BASP1: variants seen among roughly 807,000 people sequenced by gnomAD.
BASP1 encodes the protein brain acid soluble protein 1.
Under a neutral mutation model 2.2 loss-of-function variants are expected in BASP1, and 1 was observed. The observed-to-expected ratio is 0.46, with a 90% confidence interval of 0.16 to 2.17. The LOEUF is 2.17. Among genes scored for constraint, BASP1 ranks in the 30% most tolerant of loss-of-function variants. The pLI, the probability that BASP1 is intolerant of heterozygous loss-of-function variation, is 0.27. For synonymous variants in BASP1, 187 were observed against 154.2 expected, an observed-to-expected ratio of 1.21 and a Z score of -1.58; for missense variants, 352 against 327.2, an observed-to-expected ratio of 1.08 and a Z score of -0.58.
intron 1 of BASP1, among the ~76,000 whole-genome samples, chr5:17,237,539 A>G (rs1739773372): frequency 6.6e-6 from 1 of 152,050 alleles, no homozygotes; most frequent in Non-Finnish European, 1.5e-5. Flanking sequence ...TTGAGCTTGC[A>G]CACATTACAG....
Position 17,236,205 on chromosome 5 carries a change from C to T in BASP1, c.-10+18395C>T, listed in dbSNP as rs762332495. ...AAAGCAAAAATGATTTCTTATTACA[C>T]GTATTTAAACCAGTATTTACATTTG... On this transcript the variant is annotated intron_variant, in intron 1 of 1. Coordinates refer to ENST00000322611, the MANE Select transcript of BASP1 (RefSeq NM_006317.5). This position sits in a 1 kb window ranked among gnomAD's most constrained non-coding sequence, Gnocchi z 4.0. 2.6e-5 allele frequency among the ~76,000 whole-genome samples: 4 copies of T among 152,116 alleles called. No homozygotes were observed. Among genetic ancestry groups the T allele is most frequent in the African/African-American group, 4.8e-5 (2 of 41,410 alleles).
intron 1 of BASP1, among the ~76,000 whole-genome samples, chr5:17,239,825 C>T (rs1739825052): frequency 6.6e-6 from 1 of 152,166 alleles, no homozygotes; most frequent in Non-Finnish European, 1.5e-5. Context: ...TCAAAATCCT[C>T]TTTGCTGGTA....
At chr5:17,245,036 G>A (rs1739948235) in intron 1 of BASP1, among the ~76,000 whole-genome samples, 1 of 147,494 alleles carries the variant, frequency 6.8e-6, no homozygotes, top group Non-Finnish European at 1.5e-5. Context: ...GGGTGCAGTG[G>A]CTCACGCCTG....
chr5:17,266,195 G>C (rs1740412379), intron 1 of BASP1, among the ~76,000 whole-genome samples: 3 of 152,168 alleles, frequency 2.0e-5, no homozygotes, highest in Admixed American at 2.0e-4. Context: ...ACAGTGTCCT[G>C]CTATAGAAGT....
At chr5:17,226,350 T>A (rs974650649) in intron 1 of BASP1, among the ~76,000 whole-genome samples, 1 of 152,230 alleles carries the variant, frequency 6.6e-6, no homozygotes, top group African/African-American at 2.4e-5. Flanking sequence ...AATTACAAAT[T>A]TCCTGAATTG....
chr5:17,265,454 T>C (rs1740399998), intron 1 of BASP1, among the ~76,000 whole-genome samples: 1 of 152,184 alleles, frequency 6.6e-6, no homozygotes, highest in Non-Finnish European at 1.5e-5. Flanking sequence ...TAGCATTTCA[T>C]TACCCATAAT....
intron 1 of BASP1, among the ~76,000 whole-genome samples, chr5:17,232,822 C>T (rs1032168991): frequency 3.9e-5 from 6 of 152,170 alleles, no homozygotes; most frequent in African/African-American, 1.4e-4. Flanking sequence ...GGTCAACATT[C>T]ACCTTCTGCT....
intron 1 of BASP1, among the ~76,000 whole-genome samples, 198 bp downstream of exon 1, chr5:17,218,008 G>T (rs1739298843): frequency 6.6e-6 from 1 of 151,932 alleles, no homozygotes; most frequent in Admixed American, 6.5e-5. Flanking sequence ...CCGGGTGATG[G>T]GGGGCCCAGA....
At chr5:17,220,131 A>C (rs184587504) in intron 1 of BASP1, among the ~76,000 whole-genome samples, 1 of 152,322 alleles carries the variant, frequency 6.6e-6, no homozygotes, top group East Asian at 1.9e-4. Context: ...CTGTCAGTAC[A>C]TCCTGGTGGA....
At chr5:17,266,581 C>A (rs947098096) in intron 1 of BASP1, among the ~76,000 whole-genome samples, 1 of 152,124 alleles carries the variant, frequency 6.6e-6, no homozygotes, top group Admixed American at 6.5e-5. Context: ...CTGAGGCAAG[C>A]GAATCACCTG....
At chr5:17,258,487 G>A (rs1327982285) in intron 1 of BASP1, among the ~76,000 whole-genome samples, 1 of 152,108 alleles carries the variant, frequency 6.6e-6, no homozygotes, top group South Asian at 2.1e-4. Context: ...ATTATCTTGG[G>A]AAAGAGATAA....
chr5:17,245,395 G>C (rs966485738), intron 1 of BASP1, among the ~76,000 whole-genome samples: 13 of 149,814 alleles, frequency 8.7e-5, no homozygotes, highest in African/African-American at 3.2e-4. Flanking sequence ...AATTATTTTT[G>C]CTTTCTCCCA....
Position 17,275,856 on chromosome 5 carries a change from G to T in BASP1, c.640G>T (p.Ala214Ser). 1 of 1,603,256 alleles carries T rather than the reference G, an allele frequency of 6.2e-7. No individual in the cohort carries two copies. Among genetic ancestry groups the T allele is most frequent in the Non-Finnish European group, 8.5e-7 (1 of 1,175,664 alleles). ...ASAEEPKPVE[A>S]PAANSDQTVT... Reference sequence around the variant, plus strand: ...TGCAGAAGAGCCCAAGCCGGTGGAGGCCCCGGCAGCTAATTCCGACCAAAC... The same window carrying T: ...TGCAGAAGAGCCCAAGCCGGTGGAGTCCCCGGCAGCTAATTCCGACCAAAC... The change falls in exon 2 of 2, where the codon GCC becomes TCC. Residue 214 changes from alanine to serine, a missense_variant. Ala to Ser is a moderately conservative substitution (Grantham distance 99). Transcript: ENST00000322611. This position sits in a 1 kb window ranked among gnomAD's most constrained non-coding sequence, Gnocchi z 5.3.
intron 1 of BASP1, among the ~76,000 whole-genome samples, chr5:17,273,388 C>T (rs541238260): frequency 6.6e-6 from 1 of 151,972 alleles, no homozygotes; most frequent in Non-Finnish European, 1.5e-5. Flanking sequence ...CCAATTGCCA[C>T]CCCCTTTTCT....
intron 1 of BASP1, among the ~76,000 whole-genome samples, chr5:17,261,300 C>A (rs1053580513): frequency 6.6e-6 from 1 of 152,182 alleles, no homozygotes; most frequent in Non-Finnish European, 1.5e-5. Context: ...TTGTTTCACA[C>A]AATAAGACCT....
At chr5:17,220,485 A>G (rs1739375429) in intron 1 of BASP1, among the ~76,000 whole-genome samples, 1 of 152,264 alleles carries the variant, frequency 6.6e-6, no homozygotes. Context: ...TTTAAAAATT[A>G]TTACAGAATT....
At position 17,251,722 on chromosome 5, in the gene BASP1, T is replaced by G. The variant is rs1740105126; in HGVS notation, c.-9-23486T>G. 6.6e-6 allele frequency among the ~76,000 whole-genome samples: 1 copy of G among 152,200 alleles called. No homozygotes were observed. The highest frequency in any genetic ancestry group is 1.5e-5 in the Non-Finnish European group (1 of 68,030). ...GGGTAGCGGTGGTGGTGGTGAAAGT[T>G]GGTCCAGAAAGACTCCCACATTTCT... On this transcript the variant is annotated intron_variant, in intron 1 of 1. Coordinates refer to ENST00000322611, the MANE Select transcript of BASP1 (RefSeq NM_006317.5). The surrounding 1 kb of genome is among the most constrained non-coding windows in gnomAD (Gnocchi z 4.0).
At chr5:17,252,905 C>A (rs1473081666) in intron 1 of BASP1, among the ~76,000 whole-genome samples, 1 of 152,168 alleles carries the variant, frequency 6.6e-6, no homozygotes, top group South Asian at 2.1e-4. Flanking sequence ...ATACTTTAGA[C>A]TTTCCCAGCC....
At chr5:17,224,504 A>G (rs1397827199) in intron 1 of BASP1, among the ~76,000 whole-genome samples, 3 of 152,156 alleles carry the variant, frequency 2.0e-5, no homozygotes, top group Non-Finnish European at 2.9e-5. Context: ...TAGCCTTTTC[A>G]CATATTGACA....
Sources: allele counts gnomAD v4.1 joint callset (sites outside exome capture counted in the v4.1 genomes callset), GRCh38; gene constraint gnomAD v4.1.1; non-coding constraint Gnocchi (gnomAD v3.1); transcripts MANE v1.5; gene names NCBI Gene and HGNC (gene_info 2026-07-23, HGNC 2026-07-21).